Variants in ATG7 observed in about 807,000 individuals in gnomAD.
ATG7 encodes the protein ubiquitin-like modifier-activating enzyme ATG7.
ATG7 carries 70 observed loss-of-function variants against 82.4 expected under a neutral mutation model. The ratio of observed to expected loss-of-function variants is 0.85; its 90% CI spans 0.70 to 1.04. ATG7 has a LOEUF of 1.04. ATG7 is among the 50% of genes least tolerant of loss of function. ATG7 has a pLI of 0.00. For missense variants in ATG7, 792 were observed against 864.3 expected, an observed-to-expected ratio of 0.92 and a Z score of 1.05; for synonymous variants, 287 against 313.0, an observed-to-expected ratio of 0.92 and a Z score of 0.88.
chr3:11,440,674 CTTTTTTTTTTTT>C (rs72177700), intron 20 of ATG7, among the ~76,000 whole-genome samples: 1 of 39,492 alleles, frequency 2.5e-5, no homozygotes, highest in Non-Finnish European at 4.1e-5. Context: ...TCCCCATTTG[CTTTTTTTTTTTT>C]TTTTTTTTTT....
At chr3:11,396,822 C>T (rs755169303) in intron 19 of ATG7, among the ~76,000 whole-genome samples, 19 of 142,156 alleles carry the variant, frequency 1.3e-4, no homozygotes, top group Non-Finnish European at 2.5e-4. Flanking sequence ...AGTATTAAAA[C>T]TTGGAGGAGG....
rs1946432414 is a variant in ATG7 at position 11,299,358 on chromosome 3, C to T, written c.161-4C>T. 3 of 1,608,838 alleles carry T rather than the reference C, an allele frequency of 1.9e-6. No homozygotes were observed. The highest frequency in any genetic ancestry group is 1.3e-5 in the African/African-American group (1 of 74,794). On this transcript the variant is annotated splice_polypyrimidine_tract_variant and splice_region_variant and intron_variant, in intron 4 of 20. Transcript: ENST00000693202. ...ATTGAAAATGTGATAATGCTTCTGTCCAGGTGACTCTGCTGGGCTGCCAGC... is the reference window on the plus strand; with the variant it reads ...ATTGAAAATGTGATAATGCTTCTGTTCAGGTGACTCTGCTGGGCTGCCAGC...
intron 10 of ATG7, 168 bp from the exon 11 acceptor site, chr3:11,332,804 T>A (rs1454234719): frequency 5.6e-5 from 32 of 575,896 alleles, no homozygotes; most frequent in Non-Finnish European, 7.7e-5. Flanking sequence ...GAGCCATATA[T>A]GAATATGTTC....
chr3:11,558,855 C>G, downstream of ATG7: 1 of 1,606,490 alleles, frequency 6.2e-7, no homozygotes, highest in Non-Finnish European at 8.5e-7. Flanking sequence ...GGCAGGCAGT[C>G]AGACACAGGT....
intron 20 of ATG7, among the ~76,000 whole-genome samples, chr3:11,494,898 C>G (rs1053353892): frequency 3.3e-5 from 5 of 152,098 alleles, no homozygotes; most frequent in African/African-American, 1.2e-4. Flanking sequence ...ATGGTGAAAC[C>G]CCGTCTGTAC....
At chr3:11,331,125 G>A (rs1394735850) in intron 9 of ATG7, among the ~76,000 whole-genome samples, 1 of 152,180 alleles carries the variant, frequency 6.6e-6, no homozygotes, top group Non-Finnish European at 1.5e-5. Context: ...CACAGGGGGT[G>A]CAGACAAGAA....
chr3:11,470,941 C>T (rs1226690155), intron 20 of ATG7, among the ~76,000 whole-genome samples: 1 of 152,190 alleles, frequency 6.6e-6, no homozygotes, highest in Non-Finnish European at 1.5e-5. Flanking sequence ...AATTATTCTC[C>T]AGTCATCTGC....
chr3:11,451,870 T>TACACAC (rs1196954957), intron 20 of ATG7, among the ~76,000 whole-genome samples: 1 of 141,750 alleles, frequency 7.1e-6, no homozygotes, highest in African/African-American at 2.6e-5. Context: ...CGCCTTTACA[T>TACACAC]ACACACACAC....
intron 20 of ATG7, among the ~76,000 whole-genome samples, chr3:11,447,309 T>A (rs1055525928): frequency 1.3e-5 from 2 of 151,612 alleles, no homozygotes; most frequent in Non-Finnish European, 2.9e-5. Context: ...ACTAAAAATA[T>A]AGAAAAAATT....
At chr3:11,464,118 T>A (rs1376074265) in intron 20 of ATG7, among the ~76,000 whole-genome samples, 1 of 152,206 alleles carries the variant, frequency 6.6e-6, no homozygotes, top group Non-Finnish European at 1.5e-5. Context: ...ATGCCTATAA[T>A]CCCAGCACTT....
intron 20 of ATG7, among the ~76,000 whole-genome samples, chr3:11,539,573 CG>C (rs1166520291): frequency 6.6e-6 from 1 of 152,166 alleles, no homozygotes; most frequent in Non-Finnish European, 1.5e-5. Flanking sequence ...GGCCTGCTGG[CG>C]GGGGGTCGCC....
intron 9 of ATG7, among the ~76,000 whole-genome samples, chr3:11,316,897 C>T (rs559955574): frequency 3.3e-5 from 5 of 152,252 alleles, no homozygotes; most frequent in South Asian, 2.1e-4. Context: ...CTTTAACTGA[C>T]GGTCTGGTTA....
intron 20 of ATG7, among the ~76,000 whole-genome samples, chr3:11,454,921 C>T (rs2085553127): frequency 6.6e-6 from 1 of 152,114 alleles, no homozygotes; most frequent in African/African-American, 2.4e-5. Flanking sequence ...AAACTCAAAC[C>T]CTGCCTCCCA....
intron 19 of ATG7, among the ~76,000 whole-genome samples, chr3:11,422,217 G>A (rs930757539): frequency 6.6e-6 from 1 of 152,220 alleles, no homozygotes; most frequent in African/African-American, 2.4e-5. Flanking sequence ...CTCCTCTGTA[G>A]CTACGAAAGT....
rs535565435 is a variant in ATG7, at chr3:11,340,692, G to C, written c.937G>C (p.Gly313Arg). 3 of 1,613,788 alleles carry C rather than the reference G, an allele frequency of 1.9e-6. No individual in the cohort carries two copies. Among genetic ancestry groups the C allele is most frequent in the Middle Eastern group, 3.3e-4 (2 of 6,056 alleles). Residue 313 changes from glycine (G) to arginine (R), a missense_variant, in exon 12 of 21, where the codon GGA (glycine) becomes CGA (arginine). Transcript: ENST00000693202. Reference sequence around the variant, plus strand: ...GGAAAAGAACCAGAAAGGAGGCATGGGACCAAGGATGGTGAACCTCAGTGA... The same window carrying C: ...GGAAAAGAACCAGAAAGGAGGCATGCGACCAAGGATGGTGAACCTCAGTGA... ...GWEKNQKGGM[G>R]PRMVNLSECM...
intron 20 of ATG7, chr3:11,446,391 A>C (rs573277434): frequency 3.7e-5 from 11 of 301,336 alleles, no homozygotes; most frequent in African/African-American, 2.0e-4. Flanking sequence ...TTTATTTGTA[A>C]GACTATAATC....
At chr3:11,288,550 T>TA (rs1203136353) in intron 3 of ATG7, 1 of 152,230 alleles carries the variant, frequency 6.6e-6, no homozygotes, top group Non-Finnish European at 1.5e-5. Flanking sequence ...TAGTTATTTC[T>TA]GTATTGTTTT....
chr3:11,458,837 T>C (rs922693141), intron 20 of ATG7, among the ~76,000 whole-genome samples: 5 of 152,146 alleles, frequency 3.3e-5, no homozygotes, highest in Admixed American at 1.3e-4. Context: ...ATCGCGCAGC[T>C]GTAGGTGAGC....
At chr3:11,273,251 G>A (rs1052506954) in intron 1 of ATG7, among the ~76,000 whole-genome samples, 1 of 152,220 alleles carries the variant, frequency 6.6e-6, no homozygotes, top group Non-Finnish European at 1.5e-5. Flanking sequence ...CTGGATCCCA[G>A]ACTCCCTTTT....
Sources: allele counts gnomAD v4.1 joint callset (sites outside exome capture counted in the v4.1 genomes callset), GRCh38; gene constraint gnomAD v4.1.1; transcripts MANE v1.5; gene names NCBI Gene and HGNC (gene_info 2026-07-23, HGNC 2026-07-21).